Variants in TBCD observed in about 807,000 individuals in gnomAD.
The protein encoded by TBCD is tubulin folding cofactor D.
Under a neutral mutation model 169.3 loss-of-function variants are expected in TBCD, and 105 were observed. The observed-to-expected ratio is 0.62, with a 90% CI of 0.53 to 0.73. The LOEUF (loss-of-function observed/expected upper bound fraction) is 0.73, where lower values mean the gene tolerates loss of function less well. Among genes scored for constraint, TBCD ranks in the 30% least tolerant of loss-of-function variants. TBCD has a pLI of 0.00. For missense variants in TBCD, 1,444 were observed against 1,600.1 expected (o/e 0.90, Z 1.66); for synonymous variants, 700 against 643.9 (o/e 1.09, Z -1.32).
intron 13 of TBCD, among the ~76,000 whole-genome samples, chr17:82,856,911 C>T (rs1037614079): frequency 1.4e-5 from 2 of 138,600 alleles, no homozygotes; most frequent in South Asian, 2.4e-4. Context: ...ATCGCTGGAC[C>T]GCGTGCGGAC....
At chr17:82,830,924 CAACTGCGTGAA>C in intron 13 of TBCD, 1 of 1,613,124 alleles carries the variant, frequency 6.2e-7, no homozygotes, top group Middle Eastern at 1.6e-4. Context: ...CTTAGAAAAG[CAACTGCGTGAA>C]GCAGTGTGAG....
chr17:82,934,502 T>C (rs1599689725), intron 34 of TBCD, among the ~76,000 whole-genome samples: 1 of 152,230 alleles, frequency 6.6e-6, no homozygotes. Flanking sequence ...GATGGAGTTT[T>C]GCTGTTGTTG....
chr17:82,813,969 C>T (rs1438274228), intron 12 of TBCD, among the ~76,000 whole-genome samples: 1 of 152,210 alleles, frequency 6.6e-6, no homozygotes, highest in Non-Finnish European at 1.5e-5. Context: ...TGATTGCCAG[C>T]TAGTCATACA....
At chr17:82,887,508 G>C (rs1251598145) in intron 15 of TBCD, among the ~76,000 whole-genome samples, 2 of 152,160 alleles carry the variant, frequency 1.3e-5, no homozygotes, top group African/African-American at 4.8e-5. Flanking sequence ...GCTGAGTGGT[G>C]CCGTGGTTTG....
chr17:82,815,021 G>T, intron 13 of TBCD, 87 bp downstream of exon 13: 1 of 1,577,526 alleles, frequency 6.3e-7, no homozygotes. Context: ...TCGACTCGTG[G>T]ATGGTGAGTA....
chr17:82,906,581 G>T (rs887903881), intron 20 of TBCD, among the ~76,000 whole-genome samples: 2 of 152,234 alleles, frequency 1.3e-5, no homozygotes, highest in African/African-American at 2.4e-5. Context: ...GTAAGGCATC[G>T]ACTGTCGTCT....
chr17:82,831,901 T>C lies in TBCD; in HGVS notation c.1318+16967T>C, dbSNP rs1386739035. ...AGACACGGCCTTGGCAGTGGGGTTG[T>C]GTAAAGCCAGTGTCTCGGGCGCCTC... On this transcript the variant is annotated intron_variant, in intron 13 of 38. Transcript: ENST00000355528. The surrounding 1 kb of genome is among the most constrained non-coding windows in gnomAD (Gnocchi z 4.6). 2.5e-6 allele frequency: 4 copies of C among 1,614,024 alleles called. No individual in the cohort carries two copies. In the East Asian group the frequency reaches 6.7e-5, roughly 27 times the overall value.
intron 1 of TBCD, 91 bp from the exon 2 acceptor site, chr17:82,756,073 TG>T (rs993845846): frequency 3.5e-6 from 4 of 1,150,772 alleles, no homozygotes; most frequent in Admixed American, 2.0e-5. Context: ...GGAGCTGCCC[TG>T]TGGAAGCTAG....
chr17:82,843,002 G>A (rs978781118), intron 13 of TBCD, among the ~76,000 whole-genome samples: 6 of 151,664 alleles, frequency 4.0e-5, no homozygotes, highest in African/African-American at 9.7e-5. Context: ...GGATGGTCTC[G>A]ATCTCCTGAC....
intron 6 of TBCD, among the ~76,000 whole-genome samples, chr17:82,777,740 A>G (rs147323753): frequency 0.11 from 15,995 of 152,182 alleles, 939 homozygotes; most frequent in South Asian, 0.29. Flanking sequence ...GAAGCACAGC[A>G]TCACAGGGAG....
At chr17:82,917,019 C>CTTTTTTTTTTTTTTTTTTTT (rs59331670) in intron 23 of TBCD, among the ~76,000 whole-genome samples, 16 of 108,518 alleles carry the variant, frequency 1.5e-4, no homozygotes, top group Non-Finnish European at 2.7e-4. Flanking sequence ...TTTTTCTTTT[C>CTTTTTTTTTTTTTTTTTTTT]TTTTCTTTTT....
chr17:82,776,906 C>T (rs777521476), intron 6 of TBCD, among the ~76,000 whole-genome samples: 3 of 152,114 alleles, frequency 2.0e-5, no homozygotes, highest in African/African-American at 4.8e-5. Context: ...ATTGGCATCA[C>T]GCTGATTGCC....
At chr17:82,798,590 G>T (rs574143052) in intron 8 of TBCD, among the ~76,000 whole-genome samples, 1 of 151,828 alleles carries the variant, frequency 6.6e-6, no homozygotes, top group Non-Finnish European at 1.5e-5. Flanking sequence ...CACTTTCCTA[G>T]TCCTTTGATA....
At chr17:82,913,400 G>C (rs888976008) in intron 23 of TBCD, 2 of 152,284 alleles carry the variant, frequency 1.3e-5, no homozygotes, top group Non-Finnish European at 2.9e-5. Flanking sequence ...CATGAAAGGG[G>C]GGAGTTAAAG....
In TBCD at chr17:82,880,699, AG is replaced by A. The variant is rs1354737918; in HGVS notation, c.1476-3444del. Among the ~76,000 whole-genome samples the A allele has an allele frequency of 6.6e-6, 1 of 152,060 alleles. No individual in the cohort carries two copies. The highest frequency in any genetic ancestry group is 2.4e-5 in the African/African-American group (1 of 41,384). On this transcript the variant is annotated intron_variant, in intron 14 of 38. Transcript: ENST00000355528. The surrounding 1 kb of genome is among the most constrained non-coding windows in gnomAD (Gnocchi z 5.0). Reference sequence around the variant, plus strand: ...GCAGGAACTGCAGGGTCCCTACCGCAGGCTCCCCACACAGTGACACCTGTCT... The same window carrying A: ...GCAGGAACTGCAGGGTCCCTACCGCAGCTCCCCACACAGTGACACCTGTCT...
Position 82,930,561 on chromosome 17 carries a change from G to C in TBCD, c.3031G>C (p.Gly1011Arg). The change falls in exon 33 of 39, where the codon GGC becomes CGC. Residue 1011 changes from glycine (G) to arginine (R), a missense_variant. By Grantham distance (125) the Gly-to-Arg change is moderately radical. Transcript: ENST00000355528. The surrounding 1 kb of genome is among the most constrained non-coding windows in gnomAD (Gnocchi z 5.2). ...STQSLFEYMK[G>R]IQSDPQALGS... ...CCAGAGCCTCTTTGAGTACATGAAG[G>C]GCATTCAGAGCGACCCGCAGGCCCT... 1.2e-6 allele frequency: 2 copies of C among 1,613,854 alleles called. No homozygotes were observed. Among genetic ancestry groups the C allele is most frequent in the Non-Finnish European group, 1.7e-6 (2 of 1,179,880 alleles).
At chr17:82,891,575 AG>A (rs2059140381) in intron 16 of TBCD, among the ~76,000 whole-genome samples, 1 of 152,240 alleles carries the variant, frequency 6.6e-6, no homozygotes, top group Admixed American at 6.5e-5. Context: ...GAACTTGGCA[AG>A]GCAAAGCAAA....
chr17:82,928,806 G>T (rs376387447), intron 30 of TBCD, among the ~76,000 whole-genome samples: 4 of 149,448 alleles, frequency 2.7e-5, no homozygotes, highest in African/African-American at 9.9e-5. Context: ...CCTATTTGTT[G>T]TCCCTGCTTC....
At chr17:82,766,216 C>A in intron 3 of TBCD, 51 bp from the exon 4 acceptor site, 1 of 1,490,062 alleles carries the variant, frequency 6.7e-7, no homozygotes, top group Non-Finnish European at 9.2e-7. Context: ...GGCAATTTTG[C>A]TGCTCTCTGT....
Sources: allele counts gnomAD v4.1 joint callset (sites outside exome capture counted in the v4.1 genomes callset), GRCh38; gene constraint gnomAD v4.1.1; non-coding constraint Gnocchi (gnomAD v3.1); transcripts MANE v1.5; gene names NCBI Gene and HGNC (gene_info 2026-07-23, HGNC 2026-07-21).